Variants in CTNND2 observed in about 807,000 individuals in gnomAD.
CTNND2 encodes catenin delta-2.
A neutral mutation model predicts 144.4 loss-of-function variants in CTNND2; 22 were observed. That is an observed-to-expected ratio of 0.15 (90% confidence interval 0.11 to 0.22). CTNND2 has a LOEUF of 0.22. CTNND2 is among the 10% of genes least tolerant of loss of function. The pLI, the probability that CTNND2 is intolerant of heterozygous loss-of-function variation, is 1.00. For synonymous variants in CTNND2, 751 were observed against 695.6 expected, an observed-to-expected ratio of 1.08 and a Z score of -1.25; for missense variants, 1,353 against 1,618.8, an observed-to-expected ratio of 0.84 and a Z score of 2.82.
At chr5:11,109,305 T>G (rs12655333) in intron 14 of CTNND2, among the ~76,000 whole-genome samples, 1 of 152,094 alleles carries the variant, frequency 6.6e-6, no homozygotes, top group East Asian at 1.9e-4. Context: ...TATGGTTCAA[T>G]AGCAACCATT....
At position 11,445,084 on chromosome 5, in the gene CTNND2, A is replaced by G. The variant is rs566511830; in HGVS notation, c.288-33015T>C. ...AAATATAATGTTCTCGGCATTCTGGAGGCTTGAAGTCTGAAGTGAGGATGC... is the reference window on the plus strand; with the variant it reads ...AAATATAATGTTCTCGGCATTCTGGGGGCTTGAAGTCTGAAGTGAGGATGC... On this transcript the variant is annotated intron_variant, in intron 3 of 21. Coordinates refer to ENST00000304623, the MANE Select transcript of CTNND2 (RefSeq NM_001332.4). Among the ~76,000 whole-genome samples, 109 of 152,248 alleles carry G rather than the reference A, an allele frequency of 7.2e-4. 1 individual carries two copies. Among genetic ancestry groups the G allele is most frequent in the African/African-American group, 2.5e-3 (104 of 41,550 alleles).
At chr5:10,987,629 T>G (rs1380602990) in intron 20 of CTNND2, among the ~76,000 whole-genome samples, 1 of 56,868 alleles carries the variant, frequency 1.8e-5, no homozygotes, top group Non-Finnish European at 3.6e-5. Context: ...CCTCCTGCCC[T>G]CCTCTTTCCA....
At chr5:11,498,409 G>C (rs1480854438) in intron 3 of CTNND2, among the ~76,000 whole-genome samples, 2 of 152,104 alleles carry the variant, frequency 1.3e-5, no homozygotes, top group South Asian at 2.1e-4. Flanking sequence ...TGGCTTGTTA[G>C]GCCATGACCT....
At chr5:11,070,004 G>A (rs953058189) in intron 16 of CTNND2, among the ~76,000 whole-genome samples, 14 of 152,110 alleles carry the variant, frequency 9.2e-5, no homozygotes, top group Non-Finnish European at 2.1e-4. Context: ...TTTTTAGGAG[G>A]AAAGAATTAC....
chr5:11,430,790 T>A (rs1437209698), intron 3 of CTNND2, among the ~76,000 whole-genome samples: 1 of 152,196 alleles, frequency 6.6e-6, no homozygotes, highest in African/African-American at 2.4e-5. Context: ...AGAACAGAAA[T>A]GCCAGTATTT....
At chr5:11,044,022 A>C (rs1041671610) in intron 16 of CTNND2, among the ~76,000 whole-genome samples, 1 of 152,196 alleles carries the variant, frequency 6.6e-6, no homozygotes, top group African/African-American at 2.4e-5. Context: ...CACTTGGCTG[A>C]GAGTAACTGG....
At position 11,336,609 on chromosome 5, in the gene CTNND2, T is replaced by C. The variant is rs114825760; in HGVS notation, c.1628+9763A>G. On this transcript the variant is annotated intron_variant, in intron 9 of 21. Coordinates refer to ENST00000304623, the MANE Select transcript of CTNND2 (RefSeq NM_001332.4). ...ATGCAAGGTTTGTATATCTTATCTT[T>C]GGATAAATGCATGCAGAGCCAATAA... Among the ~76,000 whole-genome samples, 297 of 152,324 alleles carry C rather than the reference T, an allele frequency of 1.9e-3. 1 individual carries two copies. Among genetic ancestry groups the C allele is most frequent in the African/African-American group, 7.0e-3 (289 of 41,574 alleles).
At chr5:11,495,594 G>A (rs1167462810) in intron 3 of CTNND2, among the ~76,000 whole-genome samples, 1 of 152,122 alleles carries the variant, frequency 6.6e-6, no homozygotes, top group African/African-American at 2.4e-5. Context: ...TTCCCCTTGA[G>A]ATCTGCATAT....
intron 16 of CTNND2, among the ~76,000 whole-genome samples, chr5:11,079,661 C>A (rs1223124879): frequency 2.6e-5 from 4 of 152,200 alleles, no homozygotes; most frequent in South Asian, 2.1e-4. Context: ...TCCCTGGATT[C>A]TTTTCCCCCC....
chr5:11,364,317 T>C (rs1756751407), intron 8 of CTNND2, among the ~76,000 whole-genome samples: 1 of 152,236 alleles, frequency 6.6e-6, no homozygotes, highest in South Asian at 2.1e-4. Flanking sequence ...GACAATATCA[T>C]GAAAAAAACA....
chr5:11,096,912 T>C (rs1751412265), intron 15 of CTNND2, among the ~76,000 whole-genome samples: 1 of 152,112 alleles, frequency 6.6e-6, no homozygotes, highest in African/African-American at 2.4e-5. Context: ...CAGAGCCCAT[T>C]TTCCTGTACC....
chr5:11,384,973 G>A lies in CTNND2; in HGVS notation c.869C>T (p.Ala290Val). 6.5e-7 allele frequency: 1 copy of A among 1,543,642 alleles called. No individual in the cohort carries two copies. Among genetic ancestry groups the A allele is most frequent in the Non-Finnish European group, 8.7e-7 (1 of 1,149,510 alleles). Residue 290 changes from alanine to valine, a missense_variant, in exon 7 of 22, where the codon GCC (alanine) becomes GTC (valine). Transcript: ENST00000304623. The surrounding 1 kb of genome is among the most constrained non-coding windows in gnomAD (Gnocchi z 5.2). ...LQRGGSAPEGATYAAPRGSSP... is the reference protein window; with the variant it reads ...LQRGGSAPEGVTYAAPRGSSP... ...GGAGCCGCGCGGCGCGGCGTAGGTG[G>A]CGCCCTCGGGGGCCGAGCCGCCGCG... is the stretch of plus-strand genomic sequence containing the variant.
At chr5:11,894,281 T>G in intron 1 of CTNND2, among the ~76,000 whole-genome samples, 1 of 152,054 alleles carries the variant, frequency 6.6e-6, no homozygotes. Context: ...CACTCCCATC[T>G]TTAAGCAGCA....
In CTNND2 at chr5:11,385,171, G is replaced by A. The variant is rs769623284; in HGVS notation, c.671C>T (p.Pro224Leu). ...AGPEPAPPPP[P>L]PPREPFAPSL... ...GGGCGCGAACGGCTCCCGCGGCGGCGGCGGCGGCGGCGGCGCGGGCTCGGG... is the reference window on the plus strand; with the variant it reads ...GGGCGCGAACGGCTCCCGCGGCGGCAGCGGCGGCGGCGGCGCGGGCTCGGG... The change falls in exon 7 of 22, where the codon CCG (proline) becomes CTG (leucine). Residue 224 changes from proline (P) to leucine (L), a missense_variant. Pro to Leu is a moderately conservative substitution (Grantham distance 98). Transcript: ENST00000304623. 5.5e-4 allele frequency: 570 copies of A among 1,029,300 alleles called. No individual in the cohort carries two copies. The highest frequency in any genetic ancestry group is 6.3e-4 in the Non-Finnish European group (546 of 860,894). 63.8% of individuals were successfully genotyped at this position (1,029,300 alleles called of 1,614,324 possible).
intron 16 of CTNND2, among the ~76,000 whole-genome samples, chr5:11,043,110 G>A (rs1744857608): frequency 6.6e-6 from 1 of 151,206 alleles, no homozygotes; most frequent in South Asian, 2.1e-4. Context: ...TAGGATAAAG[G>A]AATTGGGCCT....
At chr5:11,327,024 C>T (rs952444493) in intron 9 of CTNND2, among the ~76,000 whole-genome samples, 35 of 152,174 alleles carry the variant, frequency 2.3e-4, no homozygotes, top group African/African-American at 8.2e-4. Context: ...AAGGAGCACA[C>T]ACAAGGCACC....
At chr5:11,090,073 A>C (rs1259327242) in intron 15 of CTNND2, among the ~76,000 whole-genome samples, 4 of 152,198 alleles carry the variant, frequency 2.6e-5, no homozygotes, top group African/African-American at 9.7e-5. Flanking sequence ...GTGTGTTCTA[A>C]AGCCAAACAA....
intron 2 of CTNND2, among the ~76,000 whole-genome samples, chr5:11,575,765 C>T (rs1777928489): frequency 6.6e-6 from 1 of 152,152 alleles, no homozygotes; most frequent in Non-Finnish European, 1.5e-5. Context: ...GACACACCAC[C>T]TCCTGCTTTC....
Position 11,022,801 on chromosome 5 carries a change from C to G in CTNND2, c.2967G>C (p.Lys989Asn). Reference sequence around the variant, plus strand: ...CTTTGCTTTTGGAGATGCCGACCAACTTCTCGATGCCACCGGCATCCCGTA... The same window carrying G: ...CTTTGCTTTTGGAGATGCCGACCAAGTTCTCGATGCCACCGGCATCCCGTA... Reference protein sequence around the residue: ...KALRDAGGIEKLVGISKSKGD... With the variant: ...KALRDAGGIENLVGISKSKGD... The change falls in exon 17 of 22, where the codon AAG (lysine) becomes AAC (asparagine). Residue 989 changes from lysine to asparagine, a missense_variant. Around this residue, in one of 4 missense-constraint regions of CTNND2, gnomAD observed 459 missense variants for 674.3 expected, o/e 0.68. Coordinates refer to ENST00000304623, the MANE Select transcript of CTNND2 (RefSeq NM_001332.4). 1 of 1,614,218 alleles carries G rather than the reference C, an allele frequency of 6.2e-7. No individual in the cohort carries two copies. Among genetic ancestry groups the G allele is most frequent in the Non-Finnish European group, 8.5e-7 (1 of 1,180,038 alleles).
Sources: gnomAD v4.1 joint callset for allele counts (sites outside exome capture counted in the v4.1 genomes callset) on GRCh38, gnomAD v4.1.1 for gene constraint, gnomAD v4.1.1 regional missense constraint, Gnocchi (gnomAD v3.1) non-coding constraint, MANE v1.5 for transcripts, NCBI Gene and HGNC (gene_info 2026-07-23, HGNC 2026-07-21) for gene names.